FANCB: variants seen among roughly 807,000 people sequenced by gnomAD.
FANCB encodes the protein Fanconi anemia group B protein.
A neutral mutation model predicts 38.9 loss-of-function variants in FANCB; 5 were observed. The ratio of observed to expected loss-of-function variants is 0.13; its 90% confidence interval spans 0.07 to 0.27. The LOEUF is 0.27. FANCB is among the 10% of genes least tolerant of loss of function. The probability of loss-of-function intolerance (pLI) is 1.00; values close to 1 mark genes in which losing one functional copy is unlikely to be tolerated. For synonymous variants in FANCB, 236 were observed against 215.4 expected (o/e 1.10, Z -0.84); for missense variants, 573 against 602.7 (o/e 0.95, Z 0.52).
At chrX:14,757,138 A>G in the FANCB span, among the ~76,000 whole-genome samples, 1 of 112,389 alleles carries the variant, frequency 8.9e-6, no homozygotes, top group Non-Finnish European at 1.9e-5. Context: ...TAGTATAGCC[A>G]TTATGAAAAA....
At chrX:14,829,578 G>A in the FANCB span, among the ~76,000 whole-genome samples, 1 of 111,480 alleles carries the variant, frequency 9.0e-6, no homozygotes, top group Non-Finnish European at 1.9e-5. Flanking sequence ...ATAACTTGCT[G>A]CAGCTTCTAT....
At chrX:14,701,795 T>A in the FANCB span, among the ~76,000 whole-genome samples, 2 of 112,609 alleles carry the variant, frequency 1.8e-5, no homozygotes, top group African/African-American at 6.5e-5. Context: ...GCACAGACCT[T>A]CTTAAGGGAG....
In FANCB at chrX:14,857,954, T is replaced by G; in HGVS notation, c.1105A>C (p.Ser369Arg). ...TCTTCATTGCAATCTGATGGTTCAC[T>G]CTAATAAATAAATAAATAAATAAAT... ...ITDLGKINYS[S>R]EPSDCNEDDL... The change falls in exon 5 of 10, where the codon AGT (serine) becomes CGT (arginine). Residue 369 changes from serine to arginine, a missense_variant and splice_region_variant. By Grantham distance (110) the Ser-to-Arg change is moderately radical. Transcript: ENST00000650831. 2.8e-6 allele frequency: 3 copies of G among 1,081,381 alleles called. No individual in the cohort carries two copies. Among genetic ancestry groups the G allele is most frequent in the South Asian group, 1.9e-5 (1 of 52,790 alleles). 89.1% of individuals were successfully genotyped at this position (1,081,381 alleles called of 1,213,427 possible).
At chrX:14,809,477 T>G in the FANCB span, among the ~76,000 whole-genome samples, 1 of 111,232 alleles carries the variant, frequency 9.0e-6, no homozygotes, top group African/African-American at 3.3e-5. Flanking sequence ...ACTCCCACCC[T>G]AATACTGTGC....
At chrX:14,721,174 C>A in the FANCB span, among the ~76,000 whole-genome samples, 31 of 109,099 alleles carry the variant, frequency 2.8e-4, no homozygotes, top group African/African-American at 1.0e-3. Context: ...TTATAATCCA[C>A]TTCATTAGAC....
At chrX:14,789,256 G>T in the FANCB span, among the ~76,000 whole-genome samples, 33 of 111,288 alleles carry the variant, frequency 3.0e-4, no homozygotes, top group African/African-American at 9.5e-4. Flanking sequence ...ACAAGGAAGA[G>T]ATTTTATTTG....
chrX:14,770,907 G>A, the FANCB span, among the ~76,000 whole-genome samples: 1 of 111,739 alleles, frequency 8.9e-6, no homozygotes, highest in Non-Finnish European at 1.9e-5. Flanking sequence ...AGTTTGGCCA[G>A]ATACGAAATT....
At chrX:14,731,651 T>A in the FANCB span, 2 of 111,890 alleles carry the variant, frequency 1.8e-5, no homozygotes, top group Non-Finnish European at 3.8e-5. Flanking sequence ...GTGGTTTGAA[T>A]TCTGGCTACA....
chrX:14,710,220 C>A, the FANCB span, among the ~76,000 whole-genome samples: 1 of 112,012 alleles, frequency 8.9e-6, no homozygotes, highest in Admixed American at 9.5e-5. Context: ...GAGCCCCCTG[C>A]AGAAACAAAC....
chrX:14,778,797 T>G, the FANCB span, among the ~76,000 whole-genome samples: 1 of 112,450 alleles, frequency 8.9e-6, no homozygotes, highest in Admixed American at 9.4e-5. Context: ...TTCAACAGAA[T>G]TTGGAAATGG....
chrX:14,814,062 C>A, the FANCB span, among the ~76,000 whole-genome samples: 1 of 111,806 alleles, frequency 8.9e-6, no homozygotes, highest in Non-Finnish European at 1.9e-5. Flanking sequence ...CTGACAAAAA[C>A]AAGAAATGGG....
chrX:14,709,825 A>C, the FANCB span, among the ~76,000 whole-genome samples: 1 of 112,095 alleles, frequency 8.9e-6, no homozygotes, highest in African/African-American at 3.2e-5. Context: ...CTGATGGTTT[A>C]CAGTGTTCAC....
the FANCB span, among the ~76,000 whole-genome samples, chrX:14,816,963 G>A: frequency 8.9e-6 from 1 of 111,884 alleles, no homozygotes; most frequent in African/African-American, 3.3e-5. Flanking sequence ...AATTAAATGA[G>A]ACACTACCTA....
the FANCB span, among the ~76,000 whole-genome samples, chrX:14,813,726 A>G: frequency 1.8e-5 from 2 of 111,963 alleles, no homozygotes; most frequent in Non-Finnish European, 3.8e-5. Flanking sequence ...GGAAGAATCA[A>G]TATCCTGAAA....
chrX:14,697,348 G>A, the FANCB span, among the ~76,000 whole-genome samples: 15 of 111,962 alleles, frequency 1.3e-4, no homozygotes, highest in East Asian at 3.6e-3. Flanking sequence ...TAAAATAAGT[G>A]GAAACGGGTT....
the FANCB span, among the ~76,000 whole-genome samples, chrX:14,829,705 T>G: frequency 8.9e-6 from 1 of 111,771 alleles, no homozygotes; most frequent in Non-Finnish European, 1.9e-5. Flanking sequence ...CTCACCTCTC[T>G]CAGCTCTCAC....
chrX:14,698,756 G>T, the FANCB span, among the ~76,000 whole-genome samples: 1 of 100,652 alleles, frequency 9.9e-6, no homozygotes, highest in East Asian at 3.1e-4. Flanking sequence ...TTCCTACTGA[G>T]AAACTGACCT....
chrX:14,864,951 T>C lies in FANCB; in HGVS notation c.560A>G (p.Lys187Arg), dbSNP rs768729913. 6 of 1,209,479 alleles carry C rather than the reference T, an allele frequency of 5.0e-6. No individual in the cohort carries two copies. In the East Asian group the frequency reaches 8.9e-5, roughly 18 times the overall value. The change falls in exon 3 of 10, where the codon AAG becomes AGG. Residue 187 changes from lysine to arginine, a missense_variant. By Grantham distance (26) the Lys-to-Arg change is conservative. Coordinates refer to ENST00000650831, the MANE Select transcript of FANCB (RefSeq NM_001018113.3). ...TTCTTCCTCAGATAAACAACATTCC[T>C]TTAGTCCCAATAAAACCATACCTAA... ...ENLGMVLLGL[K>R]ECCLSEEECT... is the part of the protein sequence containing the mutation.
the FANCB span, among the ~76,000 whole-genome samples, chrX:14,811,938 A>C: frequency 8.9e-6 from 1 of 111,964 alleles, no homozygotes; most frequent in Non-Finnish European, 1.9e-5. Context: ...AGAAAATGTA[A>C]AAGAACAGAA....
Sources: gnomAD v4.1 joint callset for allele counts (sites outside exome capture counted in the v4.1 genomes callset) on GRCh38, gnomAD v4.1.1 for gene constraint, MANE v1.5 for transcripts, NCBI Gene and HGNC (gene_info 2026-07-23, HGNC 2026-07-21) for gene names.